Variants in HUWE1 observed in about 807,000 individuals in gnomAD.
HUWE1 encodes the protein E3 ubiquitin-protein ligase HUWE1.
In HUWE1, 18 loss-of-function variants were observed where a neutral mutation model predicts 299.4. That is an observed-to-expected ratio of 0.06 (90% confidence interval 0.04 to 0.09). The LOEUF (loss-of-function observed/expected upper bound fraction) is 0.09. Among genes scored for constraint, HUWE1 ranks in the 10% least tolerant of loss-of-function variants. The pLI is 1.00. For synonymous variants in HUWE1, 1,317 were observed against 1,286.1 expected, an observed-to-expected ratio of 1.02 and a Z score of -0.51; for missense variants, 1,832 against 3,462.3, an observed-to-expected ratio of 0.53 and a Z score of 11.82.
rs192959414 is a variant in HUWE1 at position 53,545,434 on chromosome X, C to T, written c.10916-273G>A. ...AAACAGTATCTCCTCTGGAGCTAAACAGACCATGGTTGAAATCCCATATAT... is the reference window on the plus strand; with the variant it reads ...AAACAGTATCTCCTCTGGAGCTAAATAGACCATGGTTGAAATCCCATATAT... On this transcript the variant is annotated intron_variant, in intron 70 of 83. Transcript: ENST00000262854. 3.6e-5 allele frequency among the ~76,000 whole-genome samples: 4 copies of T among 111,851 alleles called. No homozygotes were observed. The East Asian group carries it at 1.1e-3, about 31-fold the overall frequency.
At chrX:53,601,096 G>A (rs1355834585) in intron 28 of HUWE1, among the ~76,000 whole-genome samples, 1 of 111,150 alleles carries the variant, frequency 9.0e-6, no homozygotes, top group African/African-American at 3.3e-5. Context: ...GTAAGTCCTT[G>A]TTTGTTGGTT....
At chrX:53,615,961 A>G (rs2065775496) in intron 21 of HUWE1, 126 bp from the exon 22 acceptor site, 1 of 526,391 alleles carries the variant, frequency 1.9e-6, no homozygotes, top group African/African-American at 2.3e-5. Context: ...CTTTCCTTTA[A>G]AGACTTTATG....
chrX:53,663,279 G>A (rs1557046268), intron 3 of HUWE1, among the ~76,000 whole-genome samples: 1 of 112,316 alleles, frequency 8.9e-6, no homozygotes, highest in Non-Finnish European at 1.9e-5. Flanking sequence ...CTGGGAGGCC[G>A]AGGCGGGTGG....
intron 3 of HUWE1, among the ~76,000 whole-genome samples, chrX:53,679,301 A>T (rs2070001920): frequency 9.3e-6 from 1 of 108,070 alleles, no homozygotes; most frequent in Admixed American, 9.7e-5. Context: ...AACAAAGCTT[A>T]AAAAAAAATC....
chrX:53,574,048 C>G, intron 46 of HUWE1, 84 bp from the exon 47 acceptor site: 1 of 836,526 alleles, frequency 1.2e-6, no homozygotes, highest in South Asian at 2.1e-5. Context: ...AATGCTATTT[C>G]TCCTCCACTT....
intron 74 of HUWE1, among the ~76,000 whole-genome samples, chrX:53,542,002 G>T (rs998664057): frequency 4.5e-5 from 5 of 111,481 alleles, no homozygotes; most frequent in African/African-American, 1.6e-4. Context: ...CCAACATGGC[G>T]AAACTCGTCT....
intron 19 of HUWE1, 129 bp from the exon 20 acceptor site, chrX:53,617,575 A>G: frequency 2.0e-6 from 1 of 503,046 alleles, no homozygotes; most frequent in Non-Finnish European, 3.5e-6. Context: ...TTACTATGAA[A>G]TTAAAGATCC....
At chrX:53,623,725 A>T (rs2066298677) in intron 19 of HUWE1, among the ~76,000 whole-genome samples, 1 of 112,461 alleles carries the variant, frequency 8.9e-6, no homozygotes, top group South Asian at 3.6e-4. Context: ...ATTCTAAGAA[A>T]ACAAAACAAG....
intron 47 of HUWE1, among the ~76,000 whole-genome samples, 180 bp from the exon 48 acceptor site, chrX:53,570,007 C>A (rs782289004): frequency 1.2e-4 from 13 of 112,746 alleles, no homozygotes; most frequent in African/African-American, 3.9e-4. Flanking sequence ...GGAGCAAACC[C>A]AGATTTTAGA....
At chrX:53,627,591 TATA>T in intron 16 of HUWE1, 76 bp from the exon 17 acceptor site, 2 of 759,872 alleles carry the variant, frequency 2.6e-6, no homozygotes, top group Non-Finnish European at 3.7e-6. Context: ...TAAAAACTAT[TATA>T]ATGGAAAAAC....
chrX:53,628,961 G>A, intron 13 of HUWE1, 59 bp from the exon 14 acceptor site: 1 of 1,008,861 alleles, frequency 9.9e-7, no homozygotes, highest in East Asian at 3.1e-5. Context: ...ACTGAACCAA[G>A]TTCCAGTTGC....
chrX:53,595,526 C>A (rs1211628511), intron 29 of HUWE1, 123 bp from the exon 30 acceptor site: 2 of 582,000 alleles, frequency 3.4e-6, no homozygotes. Flanking sequence ...CTAGTTAACA[C>A]TTGGATTTGT....
rs781990929 is a variant in HUWE1 at position 53,559,548 on chromosome X, G to A, written c.7737-16C>T. 3.3e-6 allele frequency: 4 copies of A among 1,200,949 alleles called. No homozygotes were observed. The South Asian group carries it at 7.1e-5, about 21-fold the overall frequency. Reference sequence around the variant, plus strand: ...ACCAAGCAACCTGTAGGGTAATGGTGGGTACCATGATCACTGTTAAGTCCA... The same window carrying A: ...ACCAAGCAACCTGTAGGGTAATGGTAGGTACCATGATCACTGTTAAGTCCA... On this transcript the variant is annotated splice_polypyrimidine_tract_variant and intron_variant, in intron 56 of 83. Coordinates refer to ENST00000262854, the MANE Select transcript of HUWE1 (RefSeq NM_031407.7).
intron 3 of HUWE1, among the ~76,000 whole-genome samples, chrX:53,676,918 T>C (rs2069850410): frequency 9.0e-6 from 1 of 111,542 alleles, no homozygotes; most frequent in African/African-American, 3.3e-5. Flanking sequence ...ACTATATTGC[T>C]GAGTAACCAA....
Position 53,600,661 on chromosome X carries a change from CTTG to C in HUWE1, c.2972-355_2972-353del, listed in dbSNP as rs781995403. On this transcript the variant is annotated intron_variant, in intron 28 of 83. Transcript: ENST00000262854. ...TGGATGCCCTACTAGAATGTTATAG[CTTG>C]TTAAGTTCAAACTAGACATCACAGA... Among the ~76,000 whole-genome samples the C allele has an allele frequency of 8.9e-5, 10 of 112,660 alleles. No homozygotes were observed. The East Asian group carries it at 2.8e-3, about 31-fold the overall frequency.
intron 7 of HUWE1, among the ~76,000 whole-genome samples, chrX:53,635,343 T>G (rs1285063684): frequency 9.0e-6 from 1 of 110,889 alleles, no homozygotes; most frequent in East Asian, 2.8e-4. Context: ...AGACAAGGTC[T>G]CCCTCTGTTG....
rs1556921657 is a variant in HUWE1, at chrX:53,545,108, G to C, written c.10969C>G (p.Gln3657Glu). The change falls in exon 71 of 84, where the codon CAA (glutamine) becomes GAA (glutamate). Residue 3657 changes from glutamine (Q) to glutamate (E), a missense_variant. By Grantham distance (29) the Gln-to-Glu change is conservative. This residue lies in a region of HUWE1 where 48 missense variants were observed against 87.0 expected (regional missense o/e 0.55). Coordinates refer to ENST00000262854, the MANE Select transcript of HUWE1 (RefSeq NM_031407.7). ...CCATCAGGAGAGAGGGTTTCACATTGGGCTCGCCGCTGCTGCTCGAGGTTG... is the reference window on the plus strand; with the variant it reads ...CCATCAGGAGAGAGGGTTTCACATTCGGCTCGCCGCTGCTGCTCGAGGTTG... ...EYNLEQQRRAQCETLSPDGLP... is the reference protein window; with the variant it reads ...EYNLEQQRRAECETLSPDGLP... The C allele has an allele frequency of 2.5e-6, 3 of 1,209,596 alleles. No homozygotes were observed. In the Admixed American group the frequency reaches 6.5e-5, roughly 26 times the overall value.
At chrX:53,569,593 C>T in intron 48 of HUWE1, 23 bp downstream of exon 48, 1 of 1,189,707 alleles carries the variant, frequency 8.4e-7, no homozygotes, top group Non-Finnish European at 1.1e-6. Flanking sequence ...GGCTATTAGC[C>T]CTGGGACAGG....
chrX:53,605,334 TA>T (rs1232010100), intron 25 of HUWE1, among the ~76,000 whole-genome samples: 1 of 112,126 alleles, frequency 8.9e-6, no homozygotes, highest in Admixed American at 9.4e-5. Flanking sequence ...AATCTGACAA[TA>T]AAACACCATC....
Sources: allele counts gnomAD v4.1 joint callset (sites outside exome capture counted in the v4.1 genomes callset), GRCh38; gene constraint gnomAD v4.1.1; regional missense constraint gnomAD v4.1.1; transcripts MANE v1.5; gene names NCBI Gene and HGNC (gene_info 2026-07-23, HGNC 2026-07-21).